DNAJC24: variants seen among roughly 807,000 people sequenced by gnomAD.
The protein encoded by DNAJC24 is dnaJ homolog subfamily C member 24.
In DNAJC24, 17 loss-of-function variants were observed where a neutral mutation model predicts 18.0. The observed-to-expected ratio is 0.94, with a 90% CI of 0.65 to 1.42. DNAJC24 has a LOEUF of 1.42. DNAJC24 is among the 40% of genes most tolerant of loss of function. The pLI, the probability that DNAJC24 is intolerant of heterozygous loss-of-function variation, is 0.00. For synonymous variants in DNAJC24, 55 were observed against 57.7 expected, an observed-to-expected ratio of 0.95 and a Z score of 0.21; for missense variants, 158 against 175.6, an observed-to-expected ratio of 0.90 and a Z score of 0.57.
chr11:31,389,561 C>G (rs922816523), intron 2 of DNAJC24, among the ~76,000 whole-genome samples: 1 of 152,118 alleles, frequency 6.6e-6, no homozygotes, highest in African/African-American at 2.4e-5. Flanking sequence ...ACAGTAATAG[C>G]TGGAGACTTC....
intron 4 of DNAJC24, 117 bp downstream of exon 4, chr11:31,426,472 A>G: frequency 3.4e-6 from 2 of 589,442 alleles, no homozygotes; most frequent in Non-Finnish European, 5.7e-6. Context: ...GGCTTTCTAT[A>G]TATATGTGGT....
At chr11:31,385,582 T>C (rs1365690650) in intron 2 of DNAJC24, among the ~76,000 whole-genome samples, 1 of 152,130 alleles carries the variant, frequency 6.6e-6, no homozygotes, top group Non-Finnish European at 1.5e-5. Flanking sequence ...ATCTTGTAAA[T>C]TAAATTATCA....
At chr11:31,371,259 A>G (rs1185074399) in intron 2 of DNAJC24, among the ~76,000 whole-genome samples, 1 of 152,202 alleles carries the variant, frequency 6.6e-6, no homozygotes, top group East Asian at 1.9e-4. Flanking sequence ...GCCTGACTTG[A>G]GATGGACTGT....
chr11:31,396,566 C>T (rs1273079306), intron 2 of DNAJC24, among the ~76,000 whole-genome samples: 4 of 152,088 alleles, frequency 2.6e-5, no homozygotes, highest in African/African-American at 7.2e-5. Flanking sequence ...GTCTGACTCC[C>T]GCCTTTGATC....
chr11:31,376,183 A>T (rs1952313138), intron 2 of DNAJC24, among the ~76,000 whole-genome samples: 1 of 152,170 alleles, frequency 6.6e-6, no homozygotes, highest in South Asian at 2.1e-4. Context: ...GCCATGTAAG[A>T]CATGCTTTTC....
intron 2 of DNAJC24, among the ~76,000 whole-genome samples, chr11:31,381,706 G>A (rs1424191197): frequency 1.3e-5 from 2 of 151,648 alleles, no homozygotes; most frequent in African/African-American, 2.4e-5. Flanking sequence ...AACCCCAGTA[G>A]CTGAGATTAC....
chr11:31,397,208 T>C (rs1326145528), intron 2 of DNAJC24, among the ~76,000 whole-genome samples: 1 of 152,216 alleles, frequency 6.6e-6, no homozygotes, highest in Non-Finnish European at 1.5e-5. Context: ...TTCATCATGG[T>C]ATCTTCATTG....
chr11:31,370,123 C>A (rs541838409), intron 1 of DNAJC24, among the ~76,000 whole-genome samples: 9 of 152,244 alleles, frequency 5.9e-5, no homozygotes, highest in African/African-American at 2.2e-4. Context: ...GGGGCATCCT[C>A]GCGTAGAGAG....
rs1300432395 is a variant in DNAJC24 at position 31,370,726 on chromosome 11, A to G, written c.-23A>G. On this transcript the variant is annotated 5_prime_UTR_variant, in exon 2 of 5. Coordinates refer to ENST00000465995, the MANE Select transcript of DNAJC24 (RefSeq NM_181706.5). ...AATATTTCTATTCAGCTAATCTGAG[A>G]AGGCCCACTTCTGGTTCCATGGATG... The G allele has an allele frequency of 6.6e-7, 1 of 1,513,874 alleles. No homozygotes were observed. The highest frequency in any genetic ancestry group is 1.2e-5 in the South Asian group (1 of 83,322). 93.8% of individuals were successfully genotyped at this position (1,513,874 alleles called of 1,614,324 possible).
chr11:31,430,242 T>TAA (rs745653964), intron 4 of DNAJC24, 29 bp from the exon 5 acceptor site: 2 of 1,593,142 alleles, frequency 1.3e-6, no homozygotes, highest in Non-Finnish European at 8.6e-7. Context: ...TTACAAGTCT[T>TAA]TGAAAGATTA....
At chr11:31,387,399 A>T (rs1351387416) in intron 2 of DNAJC24, among the ~76,000 whole-genome samples, 1 of 152,168 alleles carries the variant, frequency 6.6e-6, no homozygotes, top group Non-Finnish European at 1.5e-5. Flanking sequence ...GCAGCTTAGC[A>T]CAGAGAGAGA....
chr11:31,418,413 A>G (rs1038508494), intron 3 of DNAJC24, among the ~76,000 whole-genome samples: 7 of 152,106 alleles, frequency 4.6e-5, no homozygotes, highest in Admixed American at 2.6e-4. Flanking sequence ...GAAGTATATC[A>G]TAGGAAAATA....
At chr11:31,397,392 C>T (rs1468475185) in intron 2 of DNAJC24, among the ~76,000 whole-genome samples, 1 of 151,688 alleles carries the variant, frequency 6.6e-6, no homozygotes, top group Non-Finnish European at 1.5e-5. Flanking sequence ...CATAAAAGAT[C>T]AATGAATCGT....
At chr11:31,385,363 A>G (rs1324195528) in intron 2 of DNAJC24, among the ~76,000 whole-genome samples, 2 of 152,224 alleles carry the variant, frequency 1.3e-5, no homozygotes, top group East Asian at 1.9e-4. Context: ...GTGACTATCT[A>G]GATGTCCCTG....
chr11:31,370,674 C>A, intron 1 of DNAJC24, 42 bp from the exon 2 acceptor site: 1 of 979,876 alleles, frequency 1.0e-6, no homozygotes, highest in Non-Finnish European at 1.5e-6. Flanking sequence ...TTCTTAGATA[C>A]ATGGCAAACT....
At chr11:31,427,788 T>TA (rs1456616078) in intron 4 of DNAJC24, 1 of 151,722 alleles carries the variant, frequency 6.6e-6, no homozygotes, top group African/African-American at 2.4e-5. Context: ...AATTTTTTTT[T>TA]ACCTTTTAAA....
chr11:31,429,735 T>C (rs1306200918), intron 4 of DNAJC24: 3 of 172,716 alleles, frequency 1.7e-5, no homozygotes, highest in African/African-American at 4.7e-5. Flanking sequence ...CAACATGGTG[T>C]TGTGTTTATA....
At chr11:31,419,647 GT>G (rs372872712) in intron 3 of DNAJC24, among the ~76,000 whole-genome samples, 7 of 149,348 alleles carry the variant, frequency 4.7e-5, no homozygotes, top group African/African-American at 7.4e-5. Context: ...ATTTTAGGAA[GT>G]TTTTTTTTTC....
intron 2 of DNAJC24, among the ~76,000 whole-genome samples, chr11:31,383,712 G>A (rs554353629): frequency 3.3e-5 from 5 of 152,268 alleles, no homozygotes; most frequent in East Asian, 1.9e-4. Context: ...AATGCCCCCC[G>A]GATTGCTGTA....
Sources: gnomAD v4.1 joint callset for allele counts (sites outside exome capture counted in the v4.1 genomes callset) on GRCh38, gnomAD v4.1.1 for gene constraint, MANE v1.5 for transcripts, NCBI Gene and HGNC (gene_info 2026-07-23, HGNC 2026-07-21) for gene names.